CACNA1H: variants seen among roughly 807,000 people sequenced by gnomAD.
CACNA1H encodes calcium voltage-gated channel subunit alpha1 H, also known as voltage-dependent T-type calcium channel subunit alpha-1H.
Under a neutral mutation model 192.5 loss-of-function variants are expected in CACNA1H, and 149 were observed. The ratio of observed to expected loss-of-function variants is 0.77; its 90% CI spans 0.68 to 0.89. The LOEUF is 0.89. Ranked by LOEUF, CACNA1H falls within the 40% of genes least tolerant of loss-of-function variation. The pLI is 0.00. For synonymous variants in CACNA1H, 2,202 were observed against 1,475.2 expected (o/e 1.49, Z -11.29); for missense variants, 4,257 against 3,423.5 (o/e 1.24, Z -6.08).
In CACNA1H at chr16:1,217,000, C is replaced by A; in HGVS notation, c.5313C>A (p.Phe1771Leu). ...ATGCTGCGCTGGGAGTGGAGCTGTT[C>A]GGGAGGCTGGGTGAGTGGCTCCTGC... ...FIYAALGVELFGRLECSEDNP... is the reference protein window; with the variant it reads ...FIYAALGVELLGRLECSEDNP... Residue 1771 changes from phenylalanine to leucine, a missense_variant, in exon 31 of 35, where the codon TTC becomes TTA. By Grantham distance (22) the Phe-to-Leu change is conservative. Coordinates refer to ENST00000348261, the MANE Select transcript of CACNA1H (RefSeq NM_021098.3). 6.3e-7 allele frequency: 1 copy of A among 1,594,222 alleles called. No homozygotes were observed. The highest frequency in any genetic ancestry group is 8.5e-7 in the Non-Finnish European group (1 of 1,170,434).
In CACNA1H at chr16:1,191,851, CAGGCACACTCAGGGTTTTGG is replaced by C. The variant is rs1567487592; in HGVS notation, c.300-3120_300-3101del. Reference sequence around the variant, plus strand: ...GCAGGCTGGCCTGGTTGTGTGGCCTCAGGCACACTCAGGGTTTTGGTGACCCAGCAGGCTGGCCTGGCTGT... The same window carrying C: ...GCAGGCTGGCCTGGTTGTGTGGCCTCTGACCCAGCAGGCTGGCCTGGCTGT... On this transcript the variant is annotated intron_variant, in intron 2 of 34. Transcript: ENST00000348261. 2.8e-4 allele frequency among the ~76,000 whole-genome samples: 42 copies of C among 147,686 alleles called. 1 individual carries two copies. The highest frequency in any genetic ancestry group is 1.0e-3 in the African/African-American group (41 of 39,434).
rs376034289 is a variant in CACNA1H, at chr16:1,211,823, G to A, written c.4566+18G>A. 6.5e-5 allele frequency: 104 copies of A among 1,611,566 alleles called. No individual in the cohort carries two copies. The African/African-American group carries it at 8.9e-4, about 14-fold the overall frequency. ...ACCAGCAGGTGCGCACAGGCGGGTC[G>A]AGCTGGGTCACCTCAGGGTCTCCCG... On this transcript the variant is annotated intron_variant, in intron 24 of 34. Transcript: ENST00000348261.
At position 1,214,980 on chromosome 16, in the gene CACNA1H, C is replaced by T. The variant is rs146053488; in HGVS notation, c.4938C>T (p.Asp1646=). 2.5e-6 allele frequency: 4 copies of T among 1,607,202 alleles called. No individual in the cohort carries two copies. The highest frequency in any genetic ancestry group is 3.4e-6 in the Non-Finnish European group (4 of 1,176,712). Reference sequence around the variant, plus strand: ...CGACCCTCCACCCCCAGTCGCTGGACGAGGCCCTCAAGTACTGCAACTACG... The same window carrying T: ...CGACCCTCCACCCCCAGTCGCTGGATGAGGCCCTCAAGTACTGCAACTACG... ...MEHYNQPKSL[D]EALKYCNYVF... Residue 1646 remains aspartate (D), a synonymous_variant, in exon 28 of 35, where the codon GAC becomes GAT. Transcript: ENST00000348261.
intron 31 of CACNA1H, among the ~76,000 whole-genome samples, chr16:1,217,579 GTGTC>G (rs1314202150): frequency 6.6e-6 from 1 of 152,242 alleles, no homozygotes; most frequent in African/African-American, 2.4e-5. Context: ...CCACAGTCCA[GTGTC>G]TGTCCACCAG....
At position 1,220,197 on chromosome 16, in the gene CACNA1H, G is replaced by C. The variant is rs942767507; in HGVS notation, c.6265G>C (p.Glu2089Gln). 4 of 1,545,384 alleles carry C rather than the reference G, an allele frequency of 2.6e-6. No homozygotes were observed. Among genetic ancestry groups the C allele is most frequent in the East Asian group, 2.4e-5 (1 of 41,792 alleles). ...VSSRPAAPGG[E>Q]EAEASDPADE... ...CAGCCGGCCGGCGGCCCCAGGCGGA[G>C]AGGAGGCCGAGGCCTCGGACCCAGC... The change falls in exon 35 of 35, where the codon GAG becomes CAG. Residue 2089 changes from glutamate to glutamine, a missense_variant. By Grantham distance (29) the Glu-to-Gln change is conservative. Coordinates refer to ENST00000348261, the MANE Select transcript of CACNA1H (RefSeq NM_021098.3).
chr16:1,177,948 C>T (rs1042277166), intron 2 of CACNA1H, among the ~76,000 whole-genome samples: 4 of 151,758 alleles, frequency 2.6e-5, no homozygotes, highest in South Asian at 2.1e-4. Flanking sequence ...GCCCGGGCTG[C>T]GGGCACCGCC....
rs1050297441 is a variant in CACNA1H, at chr16:1,162,643, G to T, written c.299+8607G>T. Among the ~76,000 whole-genome samples, 4 of 151,706 alleles carry T rather than the reference G, an allele frequency of 2.6e-5. 1 individual carries two copies. The highest frequency in any genetic ancestry group is 1.3e-4 in the Admixed American group (2 of 15,252). ...AGCTCCTGCGGACACCTGGAGTGGGGGGGGGGGGTCCATCCTAGGAGGAGC... is the reference window on the plus strand; with the variant it reads ...AGCTCCTGCGGACACCTGGAGTGGGTGGGGGGGGTCCATCCTAGGAGGAGC... On this transcript the variant is annotated intron_variant, in intron 2 of 34. Coordinates refer to ENST00000348261, the MANE Select transcript of CACNA1H (RefSeq NM_021098.3).
chr16:1,161,498 C>T (rs1357799128), intron 2 of CACNA1H, among the ~76,000 whole-genome samples: 2 of 152,150 alleles, frequency 1.3e-5, no homozygotes, highest in Non-Finnish European at 2.9e-5. Context: ...TTAGTAGCCC[C>T]AGATGTTAAA....
rs781249124 is a variant in CACNA1H, at chr16:1,218,405, G to A, written c.5641G>A (p.Glu1881Lys). Residue 1881 changes from glutamate to lysine, a missense_variant, in exon 33 of 35, where the codon GAG (glutamate) becomes AAG (lysine). Physicochemically the swap from Glu to Lys is moderately conservative, Grantham distance 56. Coordinates refer to ENST00000348261, the MANE Select transcript of CACNA1H (RefSeq NM_021098.3). ...REDAELDAEI[E>K]LEMAQGPGSA... The stretch of plus-strand genomic sequence containing the variant: ...GGATGCGGAGCTGGACGCCGAGATC[G>A]AGCTGGAGATGGCGCAGGGCCCCGG... 14 of 1,556,786 alleles carry A rather than the reference G, an allele frequency of 9.0e-6. No individual in the cohort carries two copies. The highest frequency in any genetic ancestry group is 1.2e-5 in the Non-Finnish European group (14 of 1,151,166).
In CACNA1H at chr16:1,183,073, G is replaced by A. The variant is rs902971410; in HGVS notation, c.300-11899G>A. 2.3e-4 allele frequency among the ~76,000 whole-genome samples: 9 copies of A among 38,760 alleles called. No homozygotes were observed. The South Asian group carries it at 2.8e-3, about 12-fold the overall frequency. 25.4% of individuals were successfully genotyped at this position (38,760 alleles called of 152,430 possible). On this transcript the variant is annotated intron_variant, in intron 2 of 34. Transcript: ENST00000348261. ...CCCCCGCCCCCACCCTCTGTGACCCGACACCCCCAGCAGCAGGGACTGGGG... is the reference window on the plus strand; with the variant it reads ...CCCCCGCCCCCACCCTCTGTGACCCAACACCCCCAGCAGCAGGGACTGGGG...
chr16:1,153,874 T>G lies in CACNA1H; in HGVS notation c.137T>G (p.Leu46Arg). 7.1e-7 allele frequency: 1 copy of G among 1,403,906 alleles called. No homozygotes were observed. Among genetic ancestry groups the G allele is most frequent in the Non-Finnish European group, 9.3e-7 (1 of 1,075,494 alleles). The allele number at this position is 1,403,906 out of a possible 1,614,324, so 87.0% of individuals were successfully genotyped here. Reference protein sequence around the residue: ...PGREAERGSELGVSPSESPAA... With the variant: ...PGREAERGSERGVSPSESPAA... ...CGCGAGGCGGAGCGGGGGTCCGAGC[T>G]CGGCGTGTCACCCTCCGAGAGCCCG... Residue 46 changes from leucine (L) to arginine (R), a missense_variant, in exon 2 of 35, where the codon CTC (leucine) becomes CGC (arginine). Physicochemically the swap from Leu to Arg is moderately radical, Grantham distance 102. Transcript: ENST00000348261.
intron 2 of CACNA1H, among the ~76,000 whole-genome samples, chr16:1,172,980 C>T (rs1964517951): frequency 7.0e-6 from 1 of 143,126 alleles, no homozygotes; most frequent in African/African-American, 2.5e-5. Context: ...TGGGTGCTGC[C>T]TGGGAGGGAG....
chr16:1,154,987 TG>T (rs1021158317), intron 2 of CACNA1H, among the ~76,000 whole-genome samples: 3 of 152,140 alleles, frequency 2.0e-5, no homozygotes, highest in African/African-American at 7.2e-5. Flanking sequence ...GCTCCGGGCC[TG>T]GGGACGGGTG....
chr16:1,161,551 C>T (rs1434756133), intron 2 of CACNA1H, among the ~76,000 whole-genome samples: 1 of 152,200 alleles, frequency 6.6e-6, no homozygotes, highest in Non-Finnish European at 1.5e-5. Context: ...ATTCTGGGGT[C>T]TCCATGGCCA....
intron 2 of CACNA1H, among the ~76,000 whole-genome samples, chr16:1,182,513 A>T (rs1965577562): frequency 6.6e-6 from 1 of 151,902 alleles, no homozygotes; most frequent in Admixed American, 6.6e-5. Context: ...CTGGAGACAA[A>T]CACTCCATGT....
chr16:1,221,721 G>A lies in CACNA1H; in HGVS notation c.*727G>A, dbSNP rs1596484096. ...TGATGCAGAAGACTCAGCTTCTCAA[G>A]GGAGAGGGAGGGGGCGGAGCGGAAT... On this transcript the variant is annotated 3_prime_UTR_variant, in exon 35 of 35. Transcript: ENST00000348261. The A allele has an allele frequency of 1.4e-6, 2 of 1,424,378 alleles. No individual in the cohort carries two copies. The highest frequency in any genetic ancestry group is 1.4e-5 in the African/African-American group (1 of 70,434). The allele number at this position is 1,424,378 out of a possible 1,614,324, so 88.2% of individuals were successfully genotyped here. A position where few individuals can be genotyped will look rare whatever the true frequency, so the allele number is the denominator to read the frequency against.
intron 27 of CACNA1H, 142 bp downstream of exon 27, chr16:1,214,073 C>T (rs770311137): frequency 1.4e-4 from 105 of 744,122 alleles, no homozygotes; most frequent in Non-Finnish European, 2.1e-4. Context: ...TGTGTGAACA[C>T]GGGTCTTTTA....
intron 4 of CACNA1H, 114 bp from the exon 5 acceptor site, chr16:1,195,812 C>G (rs1966895399): frequency 5.2e-6 from 5 of 957,370 alleles, no homozygotes; most frequent in Non-Finnish European, 8.4e-6. Flanking sequence ...GTACAAGGTC[C>G]TCCGGGTGCC....
At position 1,220,611 on chromosome 16, in the gene CACNA1H, C is replaced by G; in HGVS notation, c.6679C>G (p.Pro2227Ala). 1 of 1,575,854 alleles carries G rather than the reference C, an allele frequency of 6.3e-7. No homozygotes were observed. The highest frequency in any genetic ancestry group is 8.6e-7 in the Non-Finnish European group (1 of 1,165,062). The change falls in exon 35 of 35, where the codon CCT becomes GCT. Residue 2227 changes from proline to alanine, a missense_variant. Transcript: ENST00000348261. ...CAGGACCCCGTCCTGTGAGGCCACG[C>G]CTCACAGGGACTCCCTGGAGCCCAC... ...RRRTPSCEAT[P>A]HRDSLEPTEG...
Sources: allele counts gnomAD v4.1 joint callset (sites outside exome capture counted in the v4.1 genomes callset), GRCh38; gene constraint gnomAD v4.1.1; transcripts MANE v1.5; gene names NCBI Gene and HGNC (gene_info 2026-07-23, HGNC 2026-07-21).